Variants in VPS54 observed in about 807,000 individuals in gnomAD.
VPS54 encodes VPS54 subunit of GARP complex.
VPS54 carries 45 observed loss-of-function variants against 121.5 expected under a neutral mutation model. The observed-to-expected ratio is 0.37, with a 90% CI of 0.29 to 0.47. The LOEUF is 0.47. VPS54 is among the 20% of genes least tolerant of loss of function. The pLI is 0.99. For missense variants in VPS54, 1,090 were observed against 1,131.4 expected (o/e 0.96, Z 0.52); for synonymous variants, 371 against 385.8 (o/e 0.96, Z 0.45).
chr2:64,010,094 G>A (rs1029361195), intron 1 of VPS54, among the ~76,000 whole-genome samples: 11 of 151,010 alleles, frequency 7.3e-5, no homozygotes, highest in Admixed American at 1.3e-4. Flanking sequence ...CGCCCACCTC[G>A]GCCTCCCAAA....
At chr2:64,017,189 A>C (rs1451284457) in intron 1 of VPS54, among the ~76,000 whole-genome samples, 1 of 151,824 alleles carries the variant, frequency 6.6e-6, no homozygotes, top group Non-Finnish European at 1.5e-5. Flanking sequence ...AAAAATACAA[A>C]AATCAGCCAG....
rs1575872239 is a variant in VPS54, at chr2:63,893,059, C to T, written c.*371G>A. ...ATAAGGTGGGACACCATATGAATTT[C>T]ATTGCACTGGAAGAAATGCAAAGCA... On this transcript the variant is annotated 3_prime_UTR_variant, in exon 23 of 23. Coordinates refer to ENST00000272322, the MANE Select transcript of VPS54 (RefSeq NM_016516.3). 1.1e-5 allele frequency: 2 copies of T among 185,770 alleles called. No individual in the cohort carries two copies. The highest frequency in any genetic ancestry group is 4.7e-5 in the African/African-American group (2 of 42,522). The allele number at this position is 185,770 out of a possible 1,614,324, so 11.5% of individuals were successfully genotyped here. A position where few individuals can be genotyped will look rare whatever the true frequency, so the allele number is the denominator to read the frequency against.
intron 1 of VPS54, among the ~76,000 whole-genome samples, chr2:63,994,035 G>A (rs1677459965): frequency 6.6e-6 from 1 of 152,148 alleles, no homozygotes; most frequent in Non-Finnish European, 1.5e-5. Flanking sequence ...GAAAACCACA[G>A]GGAAAAGACG....
chr2:63,909,729 T>TTG (rs1249824474), intron 20 of VPS54, among the ~76,000 whole-genome samples: 11 of 145,898 alleles, frequency 7.5e-5, no homozygotes, highest in South Asian at 2.2e-4. Flanking sequence ...TTTTTGGTTT[T>TTG]TTTTTTTTTT....
chr2:63,976,455 C>A (rs1676535389), intron 3 of VPS54, among the ~76,000 whole-genome samples: 1 of 151,960 alleles, frequency 6.6e-6, no homozygotes, highest in Non-Finnish European at 1.5e-5. Flanking sequence ...GACAGCCTCA[C>A]CAAATGCATT....
chr2:63,924,453 TA>T (rs1673801603), intron 12 of VPS54, among the ~76,000 whole-genome samples: 1 of 152,140 alleles, frequency 6.6e-6, no homozygotes. Context: ...TATGGATTTG[TA>T]AAAGACCAAG....
chr2:63,930,444 C>T (rs1248745340), intron 12 of VPS54, among the ~76,000 whole-genome samples: 1 of 152,116 alleles, frequency 6.6e-6, no homozygotes, highest in Non-Finnish European at 1.5e-5. Context: ...GCAGAAAAGG[C>T]CTTTGAAAAA....
At chr2:63,980,944 A>G (rs2104612425) in intron 3 of VPS54, among the ~76,000 whole-genome samples, 1 of 152,242 alleles carries the variant, frequency 6.6e-6, no homozygotes, top group African/African-American at 2.4e-5. Context: ...AGGAATAAAA[A>G]TGAACCAGAT....
chr2:63,958,270 A>C (rs1374374890), intron 7 of VPS54, among the ~76,000 whole-genome samples: 1 of 152,202 alleles, frequency 6.6e-6, no homozygotes, highest in Non-Finnish European at 1.5e-5. Context: ...GAGGTCACCA[A>C]AAAAGTTTAC....
intron 3 of VPS54, among the ~76,000 whole-genome samples, chr2:63,981,155 T>G (rs1329258122): frequency 1.3e-5 from 2 of 152,144 alleles, no homozygotes; most frequent in East Asian, 3.8e-4. Context: ...GAAGATGAAT[T>G]GATAGACCAT....
At chr2:64,003,181 ACAAG>A (rs1334072189) in intron 1 of VPS54, among the ~76,000 whole-genome samples, 2 of 152,144 alleles carry the variant, frequency 1.3e-5, no homozygotes, top group Non-Finnish European at 1.5e-5. Flanking sequence ...GAAAAAACAA[ACAAG>A]CAAACAAAAT....
chr2:63,910,378 G>A (rs980603667), intron 20 of VPS54, among the ~76,000 whole-genome samples: 4 of 152,164 alleles, frequency 2.6e-5, no homozygotes, highest in Non-Finnish European at 4.4e-5. Context: ...GAGGAGGGGC[G>A]TGTTCTAGTT....
intron 12 of VPS54, among the ~76,000 whole-genome samples, chr2:63,930,744 T>A (rs921195249): frequency 3.3e-5 from 5 of 152,196 alleles, no homozygotes; most frequent in Non-Finnish European, 1.5e-5. Context: ...GTAGATGACA[T>A]GATTGTATAT....
intron 1 of VPS54, among the ~76,000 whole-genome samples, chr2:63,993,609 C>A (rs555221560): frequency 6.6e-6 from 1 of 152,244 alleles, no homozygotes; most frequent in Non-Finnish European, 1.5e-5. Flanking sequence ...GGATTTGATC[C>A]GAATTTAATT....
intron 7 of VPS54, among the ~76,000 whole-genome samples, chr2:63,950,048 C>T (rs1675166381): frequency 6.6e-6 from 1 of 152,158 alleles, no homozygotes; most frequent in Non-Finnish European, 1.5e-5. Flanking sequence ...GTTAATTCCT[C>T]TGTTGTGGTA....
At chr2:64,000,917 A>G (rs1677841728) in intron 1 of VPS54, among the ~76,000 whole-genome samples, 1 of 152,218 alleles carries the variant, frequency 6.6e-6, no homozygotes, top group Non-Finnish European at 1.5e-5. Flanking sequence ...GGGCTCTACC[A>G]TCGGCAGGTG....
intron 12 of VPS54, among the ~76,000 whole-genome samples, chr2:63,932,781 G>T (rs1206311084): frequency 2.0e-5 from 3 of 151,910 alleles, no homozygotes; most frequent in African/African-American, 7.3e-5. Context: ...TATTTTATTG[G>T]TTCTATTTTT....
chr2:64,006,198 T>C (rs1395724323), intron 1 of VPS54, among the ~76,000 whole-genome samples: 1 of 152,188 alleles, frequency 6.6e-6, no homozygotes, highest in Non-Finnish European at 1.5e-5. Flanking sequence ...GACTATTCAA[T>C]GAACGAATGA....
intron 10 of VPS54, among the ~76,000 whole-genome samples, chr2:63,943,847 C>A (rs1033228463): frequency 4.0e-5 from 6 of 151,334 alleles, no homozygotes; most frequent in Admixed American, 6.6e-5. Flanking sequence ...ACCTTAGCCT[C>A]CTGAGTAGCT....
Sources: allele counts gnomAD v4.1 joint callset (sites outside exome capture counted in the v4.1 genomes callset), GRCh38; gene constraint gnomAD v4.1.1; transcripts MANE v1.5; gene names NCBI Gene and HGNC (gene_info 2026-07-23, HGNC 2026-07-21).